SLC25A20: variants seen among roughly 807,000 people sequenced by gnomAD.
SLC25A20 encodes solute carrier family 25 member 20.
A neutral mutation model predicts 39.7 loss-of-function variants in SLC25A20; 29 were observed. That is an observed-to-expected ratio of 0.73 (90% CI 0.54 to 1.00). The LOEUF (loss-of-function observed/expected upper bound fraction) is 1.00, where lower values mean the gene tolerates loss of function less well. Among genes scored for constraint, SLC25A20 ranks in the 50% least tolerant of loss-of-function variants. The pLI is 0.00. For missense variants in SLC25A20, 333 were observed against 379.9 expected (o/e 0.88, Z 1.03); for synonymous variants, 103 against 142.2 (o/e 0.72, Z 1.96).
intron 7 of SLC25A20, 187 bp from the exon 8 acceptor site, chr3:48,858,818 C>A (rs145315871): frequency 2.6e-6 from 2 of 763,596 alleles, no homozygotes; most frequent in Non-Finnish European, 4.4e-6. Context: ...GGAATAGAAA[C>A]GAGGGAAGAA....
intron 2 of SLC25A20, among the ~76,000 whole-genome samples, chr3:48,887,685 C>G (rs1021016753): frequency 6.6e-6 from 1 of 152,118 alleles, no homozygotes; most frequent in Non-Finnish European, 1.5e-5. Context: ...GGGCAGATCA[C>G]GAAGTCAGGA....
intron 2 of SLC25A20, among the ~76,000 whole-genome samples, chr3:48,890,642 C>T (rs975144092): frequency 6.9e-6 from 1 of 144,278 alleles, no homozygotes; most frequent in South Asian, 2.2e-4. Context: ...CCTTACCCTG[C>T]CCCCTTGTCT....
intron 2 of SLC25A20, among the ~76,000 whole-genome samples, chr3:48,890,218 G>A (rs1174528067): frequency 2.6e-5 from 4 of 151,944 alleles, no homozygotes; most frequent in African/African-American, 7.3e-5. Context: ...CTTTGATCTC[G>A]CTCTGTCACC....
chr3:48,882,700 G>A (rs770038612), intron 3 of SLC25A20, among the ~76,000 whole-genome samples: 5 of 151,798 alleles, frequency 3.3e-5, no homozygotes, highest in Non-Finnish European at 7.4e-5. Flanking sequence ...CCGCCGCCCC[G>A]ACACACACAC....
chr3:48,875,326 C>G (rs1380781993), intron 4 of SLC25A20, among the ~76,000 whole-genome samples: 1 of 152,016 alleles, frequency 6.6e-6, no homozygotes, highest in Non-Finnish European at 1.5e-5. Context: ...TGGTCTTGAA[C>G]TCCTGACCTC....
intron 8 of SLC25A20, among the ~76,000 whole-genome samples, chr3:48,858,177 A>G (rs1439783307): frequency 6.6e-6 from 1 of 151,988 alleles, no homozygotes; most frequent in Non-Finnish European, 1.5e-5. Context: ...CATGTTGGCC[A>G]AGCTGGTCTC....
intron 1 of SLC25A20, among the ~76,000 whole-genome samples, chr3:48,894,183 T>TTCTCTCTCTCTCTCTCTCTCTCTC (rs375593797): frequency 1.8e-5 from 2 of 110,276 alleles, no homozygotes; most frequent in Admixed American, 1.2e-4. Flanking sequence ...AAGAAGAAGA[T>TTCTCTCTCTCTCTCTCTCTCTCTC]TCTCTCTCTC....
At chr3:48,895,824 TAGAG>T (rs1197632146) in intron 1 of SLC25A20, 3 of 456,028 alleles carry the variant, frequency 6.6e-6, no homozygotes, top group African/African-American at 4.0e-5. Flanking sequence ...CCCTAGTTAG[TAGAG>T]AGAGAGAAAT....
chr3:48,887,606 AAAG>A (rs1180375542), intron 2 of SLC25A20, among the ~76,000 whole-genome samples: 1 of 152,172 alleles, frequency 6.6e-6, no homozygotes, highest in Non-Finnish European at 1.5e-5. Context: ...GGAGGAGCTT[AAAG>A]AAGAAAGAAC....
chr3:48,862,492 A>C (rs775749534), intron 5 of SLC25A20, 50 bp downstream of exon 5: 26 of 1,173,712 alleles, frequency 2.2e-5, no homozygotes, highest in Middle Eastern at 2.2e-4. Context: ...CAGCAGACCC[A>C]CCTCAGGTGA....
In SLC25A20 at chr3:48,892,122, G is replaced by A. The variant is rs761276564; in HGVS notation, c.106-50C>T. ...TCACCTACCAGAATCAGAACTGCCTGTCAGCAGCAATGGCCCAACTGTCTG... is the reference window on the plus strand; with the variant it reads ...TCACCTACCAGAATCAGAACTGCCTATCAGCAGCAATGGCCCAACTGTCTG... On this transcript the variant is annotated intron_variant, in intron 1 of 8. Transcript: ENST00000319017. 138 of 1,432,424 alleles carry A rather than the reference G, an allele frequency of 9.6e-5. No homozygotes were observed. The Admixed American group carries it at 2.2e-3, about 23-fold the overall frequency. 88.7% of individuals were successfully genotyped at this position (1,432,424 alleles called of 1,614,324 possible).
Position 48,894,183 on chromosome 3 carries a change from TTCTCTCTC to T in SLC25A20, c.106-2119_106-2112del, listed in dbSNP as rs375593797. 4.9e-3 allele frequency among the ~76,000 whole-genome samples: 542 copies of T among 110,268 alleles called. 4 individuals are homozygous for T. Among genetic ancestry groups the T allele is most frequent in the South Asian group, 0.022 (65 of 2,982 alleles). 72.3% of individuals were successfully genotyped at this position (110,268 alleles called of 152,430 possible). On this transcript the variant is annotated intron_variant, in intron 1 of 8. Transcript: ENST00000319017. Reference sequence around the variant, plus strand: ...CAAAAAAAAAAAAAAAAGAAGAAGATTCTCTCTCTCTCTCTCTCTCTCTCTCTCTCTCT... The same window carrying T: ...CAAAAAAAAAAAAAAAAGAAGAAGATTCTCTCTCTCTCTCTCTCTCTCTCT...
chr3:48,894,833 T>C (rs1413567101), intron 1 of SLC25A20, among the ~76,000 whole-genome samples: 1 of 152,184 alleles, frequency 6.6e-6, no homozygotes, highest in East Asian at 1.9e-4. Context: ...TTTTGTTTTG[T>C]TTTGAGACAG....
chr3:48,879,024 C>T (rs2083781399), intron 4 of SLC25A20, among the ~76,000 whole-genome samples: 2 of 152,010 alleles, frequency 1.3e-5, no homozygotes, highest in African/African-American at 4.8e-5. Flanking sequence ...GTGCCCACCA[C>T]TATACCTGGC....
rs1024593813 is a variant in SLC25A20 at position 48,857,917 on chromosome 3, T to A, written c.844-145A>T. ...TCCACATCAAGGATGCAAGCTCTACTCTCTCATTTTTAAGAGGAGAAGAAA... is the reference window on the plus strand; with the variant it reads ...TCCACATCAAGGATGCAAGCTCTACACTCTCATTTTTAAGAGGAGAAGAAA... On this transcript the variant is annotated intron_variant, in intron 8 of 8. Coordinates refer to ENST00000319017, the MANE Select transcript of SLC25A20 (RefSeq NM_000387.6). 1.1e-5 allele frequency: 7 copies of A among 665,738 alleles called. No homozygotes were observed. The African/African-American group carries it at 1.3e-4, about 12-fold the overall frequency. The allele number at this position is 665,738 out of a possible 1,614,324, so 41.2% of individuals were successfully genotyped here.
At chr3:48,865,411 C>A (rs1230473637) in intron 4 of SLC25A20, among the ~76,000 whole-genome samples, 1 of 150,644 alleles carries the variant, frequency 6.6e-6, no homozygotes, top group African/African-American at 2.4e-5. Context: ...CAGGCGTGAG[C>A]CACAGCGCCC....
chr3:48,883,657 G>A (rs1350648130), intron 3 of SLC25A20, among the ~76,000 whole-genome samples: 5 of 115,644 alleles, frequency 4.3e-5, no homozygotes, highest in Non-Finnish European at 4.9e-5. Flanking sequence ...GTCTTGCTCC[G>A]TTGCTCAGGT....
At chr3:48,880,155 C>T (rs546329573) in intron 3 of SLC25A20, among the ~76,000 whole-genome samples, 3 of 152,340 alleles carry the variant, frequency 2.0e-5, no homozygotes, top group Admixed American at 2.0e-4. Flanking sequence ...TATGGGTCTT[C>T]ACTCTGGCCC....
At position 48,895,749 on chromosome 3, in the gene SLC25A20, C is replaced by T. The variant is rs1307784014; in HGVS notation, c.105+2941G>A. 5 of 456,518 alleles carry T rather than the reference C, an allele frequency of 1.1e-5. 1 individual carries two copies. Among genetic ancestry groups the T allele is most frequent in the South Asian group, 7.7e-5 (5 of 64,552 alleles). The allele number at this position is 456,518 out of a possible 1,614,324, so 28.3% of individuals were successfully genotyped here. ...ACACAATAGAAATGCCCAGAGGCCA[C>T]CATACCTTTACATCCAAAATCCCTC... is the stretch of plus-strand genomic sequence containing the variant. On this transcript the variant is annotated intron_variant, in intron 1 of 8. Coordinates refer to ENST00000319017, the MANE Select transcript of SLC25A20 (RefSeq NM_000387.6).
Sources: gnomAD v4.1 joint callset for allele counts (sites outside exome capture counted in the v4.1 genomes callset) on GRCh38, gnomAD v4.1.1 for gene constraint, MANE v1.5 for transcripts, NCBI Gene and HGNC (gene_info 2026-07-23, HGNC 2026-07-21) for gene names.